LRP5: variants seen among roughly 807,000 people sequenced by gnomAD.
The protein encoded by LRP5 is low-density lipoprotein receptor-related protein 5.
In LRP5, 62 loss-of-function variants were observed where a neutral mutation model predicts 154.1. The observed-to-expected ratio is 0.40, with a 90% CI of 0.33 to 0.50. The LOEUF (loss-of-function observed/expected upper bound fraction) is 0.50, where lower values mean the gene tolerates loss of function less well. Ranked by LOEUF, LRP5 falls within the 20% of genes least tolerant of loss-of-function variation. LRP5 has a pLI of 0.55. For missense variants in LRP5, 1,915 were observed against 2,336.7 expected, an observed-to-expected ratio of 0.82 and a Z score of 3.72; for synonymous variants, 966 against 1,011.5, an observed-to-expected ratio of 0.96 and a Z score of 0.85.
chr11:68,428,819 G>A (rs1019779875), intron 16 of LRP5, among the ~76,000 whole-genome samples: 9 of 132,316 alleles, frequency 6.8e-5, no homozygotes, highest in Non-Finnish European at 1.3e-4. Flanking sequence ...GGTAGTTCAC[G>A]CCTGTAATCT....
intron 1 of LRP5, among the ~76,000 whole-genome samples, chr11:68,340,359 A>C (rs678765): frequency 6.6e-6 from 1 of 152,222 alleles, no homozygotes; most frequent in Non-Finnish European, 1.5e-5. Flanking sequence ...AGGCCAGGCC[A>C]GGCTTTGAAT....
At chr11:68,331,809 G>C (rs2098602986) in intron 1 of LRP5, among the ~76,000 whole-genome samples, 1 of 152,008 alleles carries the variant, frequency 6.6e-6, no homozygotes, top group East Asian at 1.9e-4. Flanking sequence ...GGATTAGAGA[G>C]AATTCGATGG....
Position 68,403,493 on chromosome 11 carries a change from T to C in LRP5, c.1595T>C (p.Val532Ala). ...TCTGCCGTCCTGCAGGTGATCAATGTTGATGGGACGAAGAGGCGGACCCTC... is the reference window on the plus strand; with the variant it reads ...TCTGCCGTCCTGCAGGTGATCAATGCTGATGGGACGAAGAGGCGGACCCTC... ...AKTDKIEVINVDGTKRRTLLE... is the reference protein window; with the variant it reads ...AKTDKIEVINADGTKRRTLLE... Residue 532 changes from valine to alanine, a missense_variant, in exon 8 of 23, where the codon GTT becomes GCT. Physicochemically the swap from Val to Ala is moderately conservative, Grantham distance 64 (BLOSUM62 0). Transcript: ENST00000294304. The C allele has an allele frequency of 6.2e-7, 1 of 1,614,054 alleles. No individual in the cohort carries two copies. Among genetic ancestry groups the C allele is most frequent in the Non-Finnish European group, 8.5e-7 (1 of 1,180,008 alleles).
intron 5 of LRP5, among the ~76,000 whole-genome samples, chr11:68,377,307 G>A (rs975921065): frequency 1.3e-5 from 2 of 152,148 alleles, no homozygotes; most frequent in Admixed American, 6.5e-5. Context: ...GCAGAGCAGC[G>A]ACTTTCCTGT....
Position 68,411,633 on chromosome 11 carries a change from C to T in LRP5, c.2503+13C>T. 6.2e-7 allele frequency: 1 copy of T among 1,602,190 alleles called. No individual in the cohort carries two copies. Among genetic ancestry groups the T allele is most frequent in the Non-Finnish European group, 8.5e-7 (1 of 1,174,308 alleles). On this transcript the variant is annotated intron_variant, in intron 11 of 22. Transcript: ENST00000294304. ...TCCAACATGCTGGGTGAGGGCCGGG[C>T]TGGGGCCTTCTGGTCATGGAGGGCG...
chr11:68,421,054 G>C (rs552174502), intron 13 of LRP5, among the ~76,000 whole-genome samples: 1 of 152,008 alleles, frequency 6.6e-6, no homozygotes, highest in East Asian at 1.9e-4. Context: ...GTGAAACCCC[G>C]TCTCTACTAA....
At position 68,411,676 on chromosome 11, in the gene LRP5, C is replaced by T. The variant is rs961942101; in HGVS notation, c.2503+56C>T. ...GGAGGGCGGGGCAGCCGGGCGTTGG[C>T]CACCTCCCAGCCTCGCCGCACATAC... On this transcript the variant is annotated intron_variant, in intron 11 of 22. Coordinates refer to ENST00000294304, the MANE Select transcript of LRP5 (RefSeq NM_002335.4). The T allele has an allele frequency of 9.1e-6, 14 of 1,542,276 alleles. No individual in the cohort carries two copies. The Admixed American group carries it at 2.5e-4, about 27-fold the overall frequency.
intron 1 of LRP5, among the ~76,000 whole-genome samples, chr11:68,344,955 TG>T (rs2098611671): frequency 2.1e-5 from 3 of 140,202 alleles, no homozygotes; most frequent in Admixed American, 7.7e-5. Flanking sequence ...ATCTGCCTCC[TG>T]GGTCCAAGCA....
intron 5 of LRP5, among the ~76,000 whole-genome samples, chr11:68,368,372 A>C (rs1291845517): frequency 3.3e-5 from 5 of 152,240 alleles, no homozygotes; most frequent in Non-Finnish European, 7.3e-5. Flanking sequence ...AGGAGGCCTG[A>C]GATCTGAAGG....
intron 1 of LRP5, among the ~76,000 whole-genome samples, chr11:68,320,167 A>G (rs566686195): frequency 6.6e-6 from 1 of 152,270 alleles, no homozygotes; most frequent in South Asian, 2.1e-4. Flanking sequence ...CCTGTCTCAA[A>G]TACATACATA....
At chr11:68,350,317 G>A (rs1430509366) in intron 2 of LRP5, among the ~76,000 whole-genome samples, 1 of 152,246 alleles carries the variant, frequency 6.6e-6, no homozygotes, top group African/African-American at 2.4e-5. Flanking sequence ...GATTGCAGGC[G>A]TGAGCCACTG....
intron 1 of LRP5, among the ~76,000 whole-genome samples, chr11:68,316,724 T>A (rs1314826607): frequency 6.6e-6 from 1 of 152,092 alleles, no homozygotes; most frequent in Non-Finnish European, 1.5e-5. Flanking sequence ...CTGGTGGAGG[T>A]GGCTGGTGGG....
Position 68,438,541 on chromosome 11 carries a change from G to A in LRP5, c.4207G>A (p.Val1403Ile). ...CCTCTCTCTCTTCGTCATGGGTGGTGTCTATTTTGTGTGCCAGCGCGTGGT... is the reference window on the plus strand; with the variant it reads ...CCTCTCTCTCTTCGTCATGGGTGGTATCTATTTTGTGTGCCAGCGCGTGGT... ...IILSLFVMGG[V>I]YFVCQRVVCQ... is the part of the protein sequence containing the mutation. Residue 1403 changes from valine (V) to isoleucine (I), a missense_variant, in exon 20 of 23, where the codon GTC becomes ATC. By Grantham distance (29) the Val-to-Ile change is conservative (BLOSUM62 3). Around this residue, in one of 3 missense-constraint regions of LRP5, gnomAD observed 1,094 missense variants for 1,210.1 expected, o/e 0.90. Coordinates refer to ENST00000294304, the MANE Select transcript of LRP5 (RefSeq NM_002335.4). The A allele has an allele frequency of 1.2e-6, 2 of 1,614,222 alleles. No homozygotes were observed. Among genetic ancestry groups the A allele is most frequent in the Middle Eastern group, 1.6e-4 (1 of 6,062 alleles).
chr11:68,445,393 G>A (rs2098680860), intron 21 of LRP5, among the ~76,000 whole-genome samples: 1 of 152,206 alleles, frequency 6.6e-6, no homozygotes. Context: ...TAAAGTTGAA[G>A]AAACTGAGGC....
At chr11:68,357,469 A>G (rs1434311925) in intron 2 of LRP5, among the ~76,000 whole-genome samples, 181 bp from the exon 3 acceptor site, 2 of 152,238 alleles carry the variant, frequency 1.3e-5, no homozygotes, top group African/African-American at 4.8e-5. Flanking sequence ...CAAGTTGGAA[A>G]TAGTATATTT....
At chr11:68,352,047 G>A (rs953598096) in intron 2 of LRP5, among the ~76,000 whole-genome samples, 2 of 152,164 alleles carry the variant, frequency 1.3e-5, no homozygotes, top group Non-Finnish European at 2.9e-5. Context: ...AGCAGAGGAG[G>A]TGCCAGCTCT....
At chr11:68,338,240 A>G (rs563043284) in intron 1 of LRP5, among the ~76,000 whole-genome samples, 32 of 152,326 alleles carry the variant, frequency 2.1e-4, no homozygotes, top group African/African-American at 7.7e-4. Flanking sequence ...TATATAAGGC[A>G]TGGACTGAAA....
intron 5 of LRP5, among the ~76,000 whole-genome samples, chr11:68,384,091 C>T (rs2098641680): frequency 2.0e-5 from 3 of 152,126 alleles, no homozygotes; most frequent in African/African-American, 4.8e-5. Context: ...GCCCTGGGCC[C>T]GTGTCGCTGT....
intron 21 of LRP5, among the ~76,000 whole-genome samples, chr11:68,444,892 C>T (rs1379160258): frequency 2.6e-5 from 4 of 151,962 alleles, no homozygotes; most frequent in South Asian, 2.1e-4. Context: ...GCCCTCTCAA[C>T]GTTGGGGTCA....
Sources: allele counts gnomAD v4.1 joint callset (sites outside exome capture counted in the v4.1 genomes callset), GRCh38; gene constraint gnomAD v4.1.1; regional missense constraint gnomAD v4.1.1; transcripts MANE v1.5; gene names NCBI Gene and HGNC (gene_info 2026-07-23, HGNC 2026-07-21).